Variants in DTNA observed in about 807,000 individuals in gnomAD.
The protein encoded by DTNA is dystrobrevin alpha.
DTNA carries 43 observed loss-of-function variants against 100.7 expected under a neutral mutation model. The ratio of observed to expected loss-of-function variants is 0.43; its 90% CI spans 0.33 to 0.55. The LOEUF (loss-of-function observed/expected upper bound fraction) is 0.55. DTNA is among the 20% of genes least tolerant of loss of function. The pLI, the probability that DTNA is intolerant of heterozygous loss-of-function variation, is 0.04. For synonymous variants in DTNA, 349 were observed against 347.9 expected (o/e 1.00, Z -0.04); for missense variants, 798 against 953.9 (o/e 0.84, Z 2.15).
chr18:34,556,626 A>T (rs894495454), intron 1 of DTNA, among the ~76,000 whole-genome samples: 2 of 151,926 alleles, frequency 1.3e-5, no homozygotes, highest in African/African-American at 4.8e-5. Flanking sequence ...TCCTTCACTT[A>T]TGAAGCTTAG....
chr18:34,579,452 C>T (rs923073318), intron 1 of DTNA, among the ~76,000 whole-genome samples: 3 of 152,174 alleles, frequency 2.0e-5, no homozygotes, highest in African/African-American at 7.2e-5. Flanking sequence ...ACCTTGAAAA[C>T]TTTCCTTGTC....
At chr18:34,852,169 T>C (rs1419446242) in intron 15 of DTNA, among the ~76,000 whole-genome samples, 1 of 152,194 alleles carries the variant, frequency 6.6e-6, no homozygotes, top group Non-Finnish European at 1.5e-5. Context: ...GCAATTAATG[T>C]TGCCCCTCTA....
chr18:34,569,600 C>T (rs373757909), intron 1 of DTNA, among the ~76,000 whole-genome samples: 2 of 152,086 alleles, frequency 1.3e-5, no homozygotes, highest in Non-Finnish European at 2.9e-5. Flanking sequence ...ATAGGATGTG[C>T]ATATATAGAA....
At chr18:34,686,682 T>A (rs1410449555) in intron 1 of DTNA, among the ~76,000 whole-genome samples, 1 of 152,310 alleles carries the variant, frequency 6.6e-6, no homozygotes, top group Non-Finnish European at 1.5e-5. Context: ...TCCCTCTTTT[T>A]CTTTTGTTTG....
At chr18:34,732,841 T>G (rs12958637) in intron 1 of DTNA, among the ~76,000 whole-genome samples, 23,957 of 152,088 alleles carry the variant, frequency 0.16, 3,327 homozygotes, top group African/African-American at 0.38. Flanking sequence ...TACCTGTTGT[T>G]GGGGTTCTGA....
At chr18:34,564,496 A>G (rs1006891538) in intron 1 of DTNA, among the ~76,000 whole-genome samples, 3 of 152,258 alleles carry the variant, frequency 2.0e-5, no homozygotes, top group African/African-American at 7.2e-5. Context: ...GGAAAGTCAT[A>G]GTCTTATTTA....
intron 3 of DTNA, among the ~76,000 whole-genome samples, chr18:34,790,567 A>ATATATATATATATATTTTTTTTTTTTTT (rs2094687460): frequency 2.5e-5 from 1 of 39,660 alleles, no homozygotes; most frequent in Admixed American, 4.8e-4. Flanking sequence ...ATATATATAT[A>ATATATATATATATATTTTTTTTTTTTTT]TTTTTTTTTT....
chr18:34,526,444 A>G (rs1027468507), intron 1 of DTNA, among the ~76,000 whole-genome samples: 2 of 152,150 alleles, frequency 1.3e-5, no homozygotes, highest in Non-Finnish European at 2.9e-5. Flanking sequence ...GTCTGAAAAT[A>G]GGGATAATGA....
intron 1 of DTNA, among the ~76,000 whole-genome samples, chr18:34,586,975 T>A (rs2049205776): frequency 6.6e-6 from 1 of 151,966 alleles, no homozygotes; most frequent in Non-Finnish European, 1.5e-5. Flanking sequence ...AGTTTTTTTT[T>A]TTTGGAGACA....
chr18:34,815,161 G>C (rs529917603), intron 6 of DTNA, among the ~76,000 whole-genome samples: 2 of 151,940 alleles, frequency 1.3e-5, no homozygotes. Context: ...TGATATTCTA[G>C]TTCAAAATTT....
chr18:34,829,507 G>T lies in DTNA; in HGVS notation c.1175+18G>T. 2 of 1,499,688 alleles carry T rather than the reference G, an allele frequency of 1.3e-6. No homozygotes were observed. Among genetic ancestry groups the T allele is most frequent in the Non-Finnish European group, 1.8e-6 (2 of 1,123,260 alleles). The allele number at this position is 1,499,688 out of a possible 1,614,324, so 92.9% of individuals were successfully genotyped here. A position where few individuals can be genotyped will look rare whatever the true frequency, so the allele number is the denominator to read the frequency against. On this transcript the variant is annotated intron_variant, in intron 11 of 22. Transcript: ENST00000444659. ...GGTGCACGGTCAGTATCCCAGCCCT[G>T]AATTGCTAATCGTAGTAGTAGTTCC...
chr18:34,495,668 G>A (rs1029412133), intron 1 of DTNA, among the ~76,000 whole-genome samples: 4 of 152,150 alleles, frequency 2.6e-5, no homozygotes, highest in Admixed American at 2.6e-4. Context: ...TATTTTAAGG[G>A]CATTCGAGTC....
At chr18:34,605,686 G>A (rs577296353) in intron 1 of DTNA, among the ~76,000 whole-genome samples, 2 of 150,394 alleles carry the variant, frequency 1.3e-5, no homozygotes, top group Non-Finnish European at 3.0e-5. Context: ...GCTTTTACAA[G>A]TCTAGGAATA....
At chr18:34,529,364 A>G (rs2042932791) in intron 1 of DTNA, among the ~76,000 whole-genome samples, 1 of 152,142 alleles carries the variant, frequency 6.6e-6, no homozygotes. Flanking sequence ...AAATTTTAAT[A>G]AAAAGAAATA....
intron 5 of DTNA, among the ~76,000 whole-genome samples, chr18:34,809,380 C>T (rs1388055782): frequency 1.3e-5 from 2 of 151,982 alleles, no homozygotes; most frequent in Admixed American, 6.6e-5. Flanking sequence ...TCACTTGAAC[C>T]CAGGAGGCAG....
intron 1 of DTNA, among the ~76,000 whole-genome samples, chr18:34,689,759 C>T (rs778387630): frequency 1.3e-5 from 2 of 152,208 alleles, no homozygotes; most frequent in African/African-American, 4.8e-5. Context: ...GCCCCCTCCC[C>T]CAGGTGCTCT....
In DTNA at chr18:34,560,599, A is replaced by G. The variant is rs75422434; in HGVS notation, c.-2+67085A>G. Among the ~76,000 whole-genome samples, 325 of 152,318 alleles carry G rather than the reference A, an allele frequency of 2.1e-3. 1 individual carries two copies. The highest frequency in any genetic ancestry group is 7.5e-3 in the African/African-American group (313 of 41,574). On this transcript the variant is annotated intron_variant, in intron 1 of 19. Coordinates refer to the DTNA transcript ENST00000283365. ...TTTTCATGGTAGTTATAGAGAATCT[A>G]TAGCAATTTAAAATTTGAATAAGAG... is the stretch of plus-strand genomic sequence containing the variant.
intron 1 of DTNA, among the ~76,000 whole-genome samples, chr18:34,525,297 T>G (rs2042512282): frequency 6.6e-6 from 1 of 152,070 alleles, no homozygotes; most frequent in South Asian, 2.1e-4. Flanking sequence ...GAAAATATGC[T>G]GAACAACCAG....
rs1253149668 is a variant in DTNA at position 34,602,020 on chromosome 18, C to T, written c.-2+108506C>T. 3.9e-5 allele frequency among the ~76,000 whole-genome samples: 6 copies of T among 152,134 alleles called. No homozygotes were observed. In the East Asian group the frequency reaches 1.2e-3, roughly 29 times the overall value. On this transcript the variant is annotated intron_variant, in intron 1 of 19. Coordinates refer to the DTNA transcript ENST00000283365. Reference sequence around the variant, plus strand: ...CTCAGCCCCCACTTTAATCAGTAGACAGAGTAAAAGGCCTAGGCTCAGGGA... The same window carrying T: ...CTCAGCCCCCACTTTAATCAGTAGATAGAGTAAAAGGCCTAGGCTCAGGGA...
Sources: allele counts gnomAD v4.1 joint callset (sites outside exome capture counted in the v4.1 genomes callset), GRCh38; gene constraint gnomAD v4.1.1; transcripts MANE v1.5; gene names NCBI Gene and HGNC (gene_info 2026-07-23, HGNC 2026-07-21).